B3GAT2: variants seen among roughly 807,000 people sequenced by gnomAD.
B3GAT2 encodes the protein galactosylgalactosylxylosylprotein 3-beta-glucuronosyltransferase 2.
In B3GAT2, 26 loss-of-function variants were observed where a neutral mutation model predicts 27.8. That is an observed-to-expected ratio of 0.93 (90% CI 0.68 to 1.30). The LOEUF is 1.30. Ranked by LOEUF, B3GAT2 falls within the 50% of genes most tolerant of loss-of-function variation. B3GAT2 has a pLI of 0.00. For synonymous variants in B3GAT2, 218 were observed against 195.1 expected (o/e 1.12, Z -0.98); for missense variants, 458 against 459.0 (o/e 1.00, Z 0.02).
chr6:70,868,328 C>G (rs948382018), intron 2 of B3GAT2, among the ~76,000 whole-genome samples: 5 of 152,130 alleles, frequency 3.3e-5, no homozygotes, highest in African/African-American at 2.4e-5. Context: ...CTCCCACCCC[C>G]ACAAAAAAGG....
At chr6:70,901,092 C>T (rs966163173) in intron 1 of B3GAT2, among the ~76,000 whole-genome samples, 6 of 152,120 alleles carry the variant, frequency 3.9e-5, no homozygotes, top group Admixed American at 1.3e-4. Context: ...TGTCCCTAAA[C>T]GTGATTTTCC....
chr6:70,920,168 G>A (rs989238875), intron 1 of B3GAT2, among the ~76,000 whole-genome samples: 2 of 152,180 alleles, frequency 1.3e-5, no homozygotes, highest in Non-Finnish European at 2.9e-5. Flanking sequence ...AGCATCCCAG[G>A]TCGATCTCAG....
At chr6:70,935,561 A>G (rs969237325) in intron 1 of B3GAT2, among the ~76,000 whole-genome samples, 16 of 152,190 alleles carry the variant, frequency 1.1e-4, no homozygotes, top group African/African-American at 3.9e-4. Flanking sequence ...CAATATTTAT[A>G]GATCTACTGG....
chr6:70,873,470 T>C (rs1256174587), intron 2 of B3GAT2, among the ~76,000 whole-genome samples: 1 of 152,096 alleles, frequency 6.6e-6, no homozygotes, highest in Non-Finnish European at 1.5e-5. Context: ...GTTAATCATA[T>C]TCAGTTTTCT....
At chr6:70,939,953 G>A (rs1341559589) in intron 1 of B3GAT2, among the ~76,000 whole-genome samples, 1 of 151,846 alleles carries the variant, frequency 6.6e-6, no homozygotes, top group Non-Finnish European at 1.5e-5. Context: ...ATCCCAGAGG[G>A]TTAATGTTAC....
At chr6:70,879,361 A>G (rs1359048088) in intron 2 of B3GAT2, among the ~76,000 whole-genome samples, 1 of 152,186 alleles carries the variant, frequency 6.6e-6, no homozygotes, top group Non-Finnish European at 1.5e-5. Context: ...ACAGAAAAAA[A>G]CCTGATGCTA....
In B3GAT2 at chr6:70,857,805, C is replaced by T; in HGVS notation, c.*3858G>A. On this transcript the variant is annotated 3_prime_UTR_variant, in exon 4 of 4. Coordinates refer to ENST00000230053, the MANE Select transcript of B3GAT2 (RefSeq NM_080742.3). The stretch of plus-strand genomic sequence containing the variant: ...GGTCTGAGTAGTAGGAGCAGCCAAA[C>T]TGGAATTAAAATGTTTGCTGTGAGT... 1 of 1,167,360 alleles carries T rather than the reference C, an allele frequency of 8.6e-7. No individual in the cohort carries two copies. The highest frequency in any genetic ancestry group is 1.2e-6 in the Non-Finnish European group (1 of 834,730). 72.3% of individuals were successfully genotyped at this position (1,167,360 alleles called of 1,614,324 possible). A position where few individuals can be genotyped will look rare whatever the true frequency, so the allele number is the denominator to read the frequency against.
chr6:70,956,363 G>C lies in B3GAT2; in HGVS notation c.67C>G (p.Leu23Val), dbSNP rs2150055363. 1.3e-6 allele frequency: 2 copies of C among 1,562,366 alleles called. No homozygotes were observed. Among genetic ancestry groups the C allele is most frequent in the Non-Finnish European group, 1.7e-6 (2 of 1,152,734 alleles). The change falls in exon 1 of 4, where the codon CTC (leucine) becomes GTC (valine). Residue 23 changes from leucine (L) to valine (V), a missense_variant. Physicochemically the swap from Leu to Val is conservative, Grantham distance 32. Transcript: ENST00000230053. ...LPWILIVIIMLDVDTRRPVPP... is the reference protein window; with the variant it reads ...LPWILIVIIMVDVDTRRPVPP... ...ACTGGCCTGCGCGTGTCCACGTCGA[G>C]CATGATGATGACAATTAGGATCCAG...
intron 2 of B3GAT2, among the ~76,000 whole-genome samples, chr6:70,862,591 C>A (rs186876417): frequency 1.4e-4 from 21 of 152,246 alleles, no homozygotes; most frequent in Admixed American, 2.6e-4. Context: ...CAGGAGATAT[C>A]AGGCCATCAT....
intron 1 of B3GAT2, among the ~76,000 whole-genome samples, chr6:70,936,655 T>A (rs2150047709): frequency 6.6e-6 from 1 of 152,140 alleles, no homozygotes; most frequent in Non-Finnish European, 1.5e-5. Context: ...GAATGACTAC[T>A]GGGTACATAA....
At position 70,939,908 on chromosome 6, in the gene B3GAT2, T is replaced by TA. The variant is rs768819789; in HGVS notation, c.591+15930dup. Among the ~76,000 whole-genome samples the TA allele has an allele frequency of 8.4e-3, 1,280 of 151,620 alleles. 8 individuals are homozygous for TA. The highest frequency in any genetic ancestry group is 0.013 in the African/African-American group (558 of 41,352). On this transcript the variant is annotated intron_variant, in intron 1 of 3. Transcript: ENST00000230053. Reference sequence around the variant, plus strand: ...TTAAAGTATAATAATAATAAAATAATAAAAAAAATAAAATGTAGATGTCAA... The same window carrying TA: ...TTAAAGTATAATAATAATAAAATAATAAAAAAAAATAAAATGTAGATGTCAA...
intron 1 of B3GAT2, among the ~76,000 whole-genome samples, chr6:70,897,433 G>A (rs1772406205): frequency 6.6e-6 from 1 of 151,582 alleles, no homozygotes; most frequent in Admixed American, 6.6e-5. Flanking sequence ...TGCTTTTGAT[G>A]TTCTACTTAA....
At chr6:70,950,356 CAAAGGAG>C (rs1385939710) in intron 1 of B3GAT2, among the ~76,000 whole-genome samples, 3 of 151,130 alleles carry the variant, frequency 2.0e-5, no homozygotes, top group Non-Finnish European at 4.4e-5. Flanking sequence ...AACAAAAGGT[CAAAGGAG>C]AAAGCTAAGA....
rs555234358 is a variant in B3GAT2 at position 70,940,700 on chromosome 6, G to A, written c.591+15139C>T. Among the ~76,000 whole-genome samples the A allele has an allele frequency of 2.6e-5, 4 of 152,202 alleles. No individual in the cohort carries two copies. In the East Asian group the frequency reaches 5.8e-4, roughly 22 times the overall value. On this transcript the variant is annotated intron_variant, in intron 1 of 3. Transcript: ENST00000230053. ...CCCAGCACTTTGGGAAACCGAGGTG[G>A]GTGCATCACCTGAGGTCAGGAGTTT...
chr6:70,939,828 G>C (rs1431049939), intron 1 of B3GAT2, among the ~76,000 whole-genome samples: 13 of 151,670 alleles, frequency 8.6e-5, no homozygotes, highest in Non-Finnish European at 1.9e-4. Flanking sequence ...ACACCAGCAT[G>C]GCACATGTAT....
chr6:70,935,682 C>A (rs1236390577), intron 1 of B3GAT2, among the ~76,000 whole-genome samples: 1 of 152,012 alleles, frequency 6.6e-6, no homozygotes, highest in Non-Finnish European at 1.5e-5. Flanking sequence ...AAATAAAATA[C>A]TCTACAGACA....
intron 1 of B3GAT2, among the ~76,000 whole-genome samples, chr6:70,946,169 G>A (rs546633298): frequency 1.3e-5 from 2 of 151,992 alleles, no homozygotes; most frequent in Non-Finnish European, 2.9e-5. Context: ...ATCAACTAAC[G>A]AGCAAAATAA....
chr6:70,859,453 C>T lies in B3GAT2; in HGVS notation c.*2210G>A. The T allele has an allele frequency of 1.5e-6, 2 of 1,291,812 alleles. No homozygotes were observed. The highest frequency in any genetic ancestry group is 2.2e-6 in the Non-Finnish European group (2 of 923,290). The allele number at this position is 1,291,812 out of a possible 1,614,324, so 80.0% of individuals were successfully genotyped here. On this transcript the variant is annotated 3_prime_UTR_variant, in exon 4 of 4. Transcript: ENST00000230053. Reference sequence around the variant, plus strand: ...TGATCTGCTTCTTCAGACACTTATGCCTGATTAGTGATGTAGTTTATGTTA... The same window carrying T: ...TGATCTGCTTCTTCAGACACTTATGTCTGATTAGTGATGTAGTTTATGTTA...
intron 2 of B3GAT2, among the ~76,000 whole-genome samples, chr6:70,892,896 C>T (rs1490812360): frequency 2.0e-5 from 3 of 152,186 alleles, no homozygotes; most frequent in African/African-American, 4.8e-5. Context: ...CTCCTTCTGC[C>T]TCCAGGTGGA....
Sources: allele counts gnomAD v4.1 joint callset (sites outside exome capture counted in the v4.1 genomes callset), GRCh38; gene constraint gnomAD v4.1.1; transcripts MANE v1.5; gene names NCBI Gene and HGNC (gene_info 2026-07-23, HGNC 2026-07-21).